AHNAK: variants seen among roughly 807,000 people sequenced by gnomAD.
AHNAK encodes the protein AHNAK nucleoprotein.
AHNAK carries 23 observed loss-of-function variants against 37.8 expected under a neutral mutation model. The observed-to-expected ratio is 0.61, with a 90% CI of 0.44 to 0.86. The LOEUF (loss-of-function observed/expected upper bound fraction) is 0.86, where lower values mean the gene tolerates loss of function less well. Ranked by LOEUF, AHNAK falls within the 40% of genes least tolerant of loss-of-function variation. The pLI is 0.00. For missense variants in AHNAK, 7,411 were observed against 7,319.4 expected (o/e 1.01, Z -0.46); for synonymous variants, 2,481 against 2,636.3 (o/e 0.94, Z 1.80).
At position 62,520,513 on chromosome 11, in the gene AHNAK, T is replaced by C. The variant is rs776108303; in HGVS notation, c.13904A>G (p.Asp4635Gly). The C allele has an allele frequency of 4.3e-6, 7 of 1,614,034 alleles. No homozygotes were observed. The South Asian group carries it at 7.7e-5, about 18-fold the overall frequency. ...PEVDIRDPKV[D>G]IDVPDVDVQG... is the part of the protein sequence containing the mutation. ...AACGTCCACATCTGGGACATCAATG[T>C]CCACTTTGGGGTCCCTGATGTCAAC... The change falls in exon 5 of 5, where the codon GAC (aspartate) becomes GGC (glycine). Residue 4635 changes from aspartate to glycine, a missense_variant. Coordinates refer to ENST00000378024, the MANE Select transcript of AHNAK (RefSeq NM_001620.3).
chr11:62,527,575 A>G lies in AHNAK; in HGVS notation c.6842T>C (p.Val2281Ala), dbSNP rs1940544195. Residue 2281 changes from valine to alanine, a missense_variant, in exon 5 of 5, where the codon GTT (valine) becomes GCT (alanine). Coordinates refer to ENST00000378024, the MANE Select transcript of AHNAK (RefSeq NM_001620.3). The part of the protein sequence containing the change: ...DVDVSGPKVD[V>A]EVPDVSLEGP... ...TTCAAGGCTCACATCTGGGACTTCAACATCCACCTTGGGTCCTGAGACATC... is the reference window on the plus strand; with the variant it reads ...TTCAAGGCTCACATCTGGGACTTCAGCATCCACCTTGGGTCCTGAGACATC... The G allele has an allele frequency of 3.7e-6, 6 of 1,613,066 alleles. No homozygotes were observed. Among genetic ancestry groups the G allele is most frequent in the African/African-American group, 1.3e-5 (1 of 74,550 alleles).
Position 62,532,016 on chromosome 11 carries a change from A to T in AHNAK, c.2401T>A (p.Leu801Met). ...GGCATCTTAAACTTGGGCCCTTTCA[A>T]TTTCCCTTCTGGTTCCTCAATGCTC... is the stretch of plus-strand genomic sequence containing the variant. ...DVSIEEPEGK[L>M]KGPKFKMPEM... Residue 801 changes from leucine (L) to methionine (M), a missense_variant, in exon 5 of 5, where the codon TTG (leucine) becomes ATG (methionine). Transcript: ENST00000378024. The T allele has an allele frequency of 6.2e-7, 1 of 1,611,168 alleles. No individual in the cohort carries two copies. The highest frequency in any genetic ancestry group is 8.5e-7 in the Non-Finnish European group (1 of 1,179,300).
At chr11:62,444,120 G>A (rs1482147571) in intron 5 of AHNAK, among the ~76,000 whole-genome samples, 1 of 152,204 alleles carries the variant, frequency 6.6e-6, no homozygotes, top group Non-Finnish European at 1.5e-5. Context: ...CTGAGGTTCA[G>A]TGCCCCCTCC....
In AHNAK at chr11:62,526,288, G is replaced by A. The variant is rs368249483; in HGVS notation, c.8129C>T (p.Pro2710Leu). 18 of 1,613,696 alleles carry A rather than the reference G, an allele frequency of 1.1e-5. No homozygotes were observed. The highest frequency in any genetic ancestry group is 8.5e-7 in the Non-Finnish European group (1 of 1,180,010). The change falls in exon 5 of 5, where the codon CCT (proline) becomes CTT (leucine). Residue 2710 changes from proline (P) to leucine (L), a missense_variant. Coordinates refer to ENST00000378024, the MANE Select transcript of AHNAK (RefSeq NM_001620.3). Reference protein sequence around the residue: ...MNIKAPKISMPDIDLNLKGPK... With the variant: ...MNIKAPKISMLDIDLNLKGPK... Reference sequence around the variant, plus strand: ...TCCTTTCAGGTTTAAGTCAATATCAGGCATGGAGATCTTGGGGGCTTTGAT... The same window carrying A: ...TCCTTTCAGGTTTAAGTCAATATCAAGCATGGAGATCTTGGGGGCTTTGAT...
chr11:62,485,456 A>G (rs1318314712), intron 5 of AHNAK, among the ~76,000 whole-genome samples: 1 of 152,012 alleles, frequency 6.6e-6, no homozygotes, highest in Non-Finnish European at 1.5e-5. Flanking sequence ...TAATCCCAGC[A>G]CTTTGGGAGT....
chr11:62,450,984 G>A (rs763978967), intron 5 of AHNAK, among the ~76,000 whole-genome samples: 1 of 141,256 alleles, frequency 7.1e-6, no homozygotes, highest in Non-Finnish European at 1.7e-5. Flanking sequence ...GGCGGGAGGA[G>A]AAGAGATGAG....
intron 5 of AHNAK, among the ~76,000 whole-genome samples, chr11:62,476,741 C>T (rs1441387079): frequency 6.6e-6 from 1 of 152,242 alleles, no homozygotes; most frequent in East Asian, 1.9e-4. Flanking sequence ...GGATTTTAAA[C>T]GACAACTGTC....
chr11:62,537,470 G>A (rs1940986033), intron 1 of AHNAK: 1 of 152,046 alleles, frequency 6.6e-6, no homozygotes, highest in East Asian at 1.9e-4. Flanking sequence ...TGCCCAGGCT[G>A]GTCCGGAACT....
At chr11:62,446,687 C>T (rs949291060) in intron 5 of AHNAK, among the ~76,000 whole-genome samples, 12 of 152,012 alleles carry the variant, frequency 7.9e-5, no homozygotes, top group Admixed American at 3.9e-4. Context: ...GCCCTCCTGT[C>T]TCAAAAGGCA....
In AHNAK at chr11:62,524,530, G is replaced by C. The variant is rs1940396314; in HGVS notation, c.9887C>G (p.Pro3296Arg). ...GCCTTTCAAATTCAAGTCAATTTCT[G>C]GCATGGAGATCTTGGGCATGTTTAC... is the stretch of plus-strand genomic sequence containing the variant. Reference protein sequence around the residue: ...MHVNMPKISMPEIDLNLKGSK... With the variant: ...MHVNMPKISMREIDLNLKGSK... Residue 3296 changes from proline (P) to arginine (R), a missense_variant, in exon 5 of 5, where the codon CCA becomes CGA. Physicochemically the swap from Pro to Arg is moderately radical, Grantham distance 103. Transcript: ENST00000378024. The C allele has an allele frequency of 6.2e-7, 1 of 1,613,990 alleles. No homozygotes were observed. The highest frequency in any genetic ancestry group is 1.3e-5 in the African/African-American group (1 of 74,896).
chr11:62,528,293 G>C lies in AHNAK; in HGVS notation c.6124C>G (p.Pro2042Ala). ...TTGGGCATCTTCAGGTGCCAGTCTG[G>C]GCCATGAACATCCACATCTGGGGCA... ...IDAPDVDVHG[P>A]DWHLKMPKMK... is the part of the protein sequence containing the mutation. Residue 2042 changes from proline to alanine, a missense_variant, in exon 5 of 5, where the codon CCA (proline) becomes GCA (alanine). Transcript: ENST00000378024. The C allele has an allele frequency of 6.2e-7, 1 of 1,614,050 alleles. No homozygotes were observed. Among genetic ancestry groups the C allele is most frequent in the Non-Finnish European group, 8.5e-7 (1 of 1,180,036 alleles).
chr11:62,438,835 T>C (rs1938236624), intron 5 of AHNAK, among the ~76,000 whole-genome samples: 1 of 152,148 alleles, frequency 6.6e-6, no homozygotes, highest in South Asian at 2.1e-4. Flanking sequence ...TGTTGTTATT[T>C]CAATGAGGAG....
rs1940677074 is a variant in AHNAK at position 62,530,171 on chromosome 11, G to A, written c.4246C>T (p.Pro1416Ser). 1 of 1,613,282 alleles carries A rather than the reference G, an allele frequency of 6.2e-7. No individual in the cohort carries two copies. Among genetic ancestry groups the A allele is most frequent in the Non-Finnish European group, 8.5e-7 (1 of 1,179,932 alleles). ...LPKADVDVSG[P>S]KMDAEVPDVN... ...TCTGGAACTTCAGCATCCATTTTGG[G>A]TCCTGAGACATCAACGTCAGCTTTG... Residue 1416 changes from proline (P) to serine (S), a missense_variant, in exon 5 of 5, where the codon CCC (proline) becomes TCC (serine). By Grantham distance (74) the Pro-to-Ser change is moderately conservative (BLOSUM62 -1). Transcript: ENST00000378024.
Position 62,531,491 on chromosome 11 carries a change from T to C in AHNAK, c.2926A>G (p.Lys976Glu). ...GCACTGACATCTACTTTTGGGCCTTTCAGGTCCCCTTCCAGCTTTGGCACT... is the reference window on the plus strand; with the variant it reads ...GCACTGACATCTACTTTTGGGCCTTCCAGGTCCCCTTCCAGCTTTGGCACT... ...MTVPKLEGDL[K>E]GPKVDVSAPD... The change falls in exon 5 of 5, where the codon AAA (lysine) becomes GAA (glutamate). Residue 976 changes from lysine to glutamate, a missense_variant. Transcript: ENST00000378024. The C allele has an allele frequency of 6.2e-7, 1 of 1,614,262 alleles. No homozygotes were observed. Among genetic ancestry groups the C allele is most frequent in the Non-Finnish European group, 8.5e-7 (1 of 1,180,050 alleles).
Position 62,521,539 on chromosome 11 carries a change from A to T in AHNAK, c.12878T>A (p.Ile4293Asn). The T allele has an allele frequency of 6.2e-7, 1 of 1,613,064 alleles. No homozygotes were observed. The highest frequency in any genetic ancestry group is 8.5e-7 in the Non-Finnish European group (1 of 1,179,820). ...EGDLKGPEVD[I>N]KGPKVDIDAP... Reference sequence around the variant, plus strand: ...ATCGATGTCCACTTTGGGGCCCTTGATGTCAACTTCTGGGCCCTTGAGGTC... The same window carrying T: ...ATCGATGTCCACTTTGGGGCCCTTGTTGTCAACTTCTGGGCCCTTGAGGTC... The change falls in exon 5 of 5, where the codon ATC becomes AAC. Residue 4293 changes from isoleucine to asparagine, a missense_variant. Physicochemically the swap from Ile to Asn is moderately radical, Grantham distance 149. Coordinates refer to ENST00000378024, the MANE Select transcript of AHNAK (RefSeq NM_001620.3).
In AHNAK at chr11:62,523,864, T is replaced by C; in HGVS notation, c.10553A>G (p.Asn3518Ser). ...CAAGCCTCCCTCCGGACCTTCCACA[T>C]TGAGATCTGGGCCCTCAATGTTCAT... ...PSMNIEGPDLNVEGPEGGLKG... is the reference protein window; with the variant it reads ...PSMNIEGPDLSVEGPEGGLKG... The change falls in exon 5 of 5, where the codon AAT becomes AGT. Residue 3518 changes from asparagine to serine, a missense_variant. Asn to Ser is a conservative substitution (Grantham distance 46). Coordinates refer to ENST00000378024, the MANE Select transcript of AHNAK (RefSeq NM_001620.3). The C allele has an allele frequency of 6.2e-7, 1 of 1,614,150 alleles. No homozygotes were observed. Among genetic ancestry groups the C allele is most frequent in the Non-Finnish European group, 8.5e-7 (1 of 1,180,028 alleles).
chr11:62,471,034 G>A (rs1173383345), intron 5 of AHNAK, among the ~76,000 whole-genome samples: 1 of 152,130 alleles, frequency 6.6e-6, no homozygotes, highest in Non-Finnish European at 1.5e-5. Context: ...CAATACGAAA[G>A]AAGGCTTTGG....
Position 62,521,679 on chromosome 11 carries a change from C to T in AHNAK, c.12738G>A (p.Lys4246=), listed in dbSNP as rs1940249405. 1 of 1,613,902 alleles carries T rather than the reference C, an allele frequency of 6.2e-7. No homozygotes were observed. The part of the protein sequence containing the change: ...PDAKLKGPKF[K]MPEMNIKAPK... ...GGGCTTTGATGTTCATCTCAGGCAT[C>T]TTGAATTTAGGGCCCTTTAGTTTCG... The change falls in exon 5 of 5, where the codon AAG becomes AAA. Residue 4246 remains lysine, a synonymous_variant. Coordinates refer to ENST00000378024, the MANE Select transcript of AHNAK (RefSeq NM_001620.3).
Position 62,516,646 on chromosome 11 carries a change from C to G in AHNAK, c.*98G>C, listed in dbSNP as rs947796711. 1 of 1,504,964 alleles carries G rather than the reference C, an allele frequency of 6.6e-7. No homozygotes were observed. Among genetic ancestry groups the G allele is most frequent in the African/African-American group, 1.4e-5 (1 of 71,594 alleles). 93.2% of individuals were successfully genotyped at this position (1,504,964 alleles called of 1,614,324 possible). A position where few individuals can be genotyped will look rare whatever the true frequency, so the allele number is the denominator to read the frequency against. ...CAAGGTCTTTGCATGATTGCTGAGGCAGTCGGTGTGTTTCCCTTTGGAGTT... is the reference window on the plus strand; with the variant it reads ...CAAGGTCTTTGCATGATTGCTGAGGGAGTCGGTGTGTTTCCCTTTGGAGTT... On this transcript the variant is annotated 3_prime_UTR_variant, in exon 5 of 5. Transcript: ENST00000378024.
Sources: allele counts gnomAD v4.1 joint callset (sites outside exome capture counted in the v4.1 genomes callset), GRCh38; gene constraint gnomAD v4.1.1; transcripts MANE v1.5; gene names NCBI Gene and HGNC (gene_info 2026-07-23, HGNC 2026-07-21).